The following C10orf90 variants were observed in gnomAD, a reference collection of about 807,000 sequenced individuals.
C10orf90 encodes the protein (E2-independent) E3 ubiquitin-conjugating enzyme FATS.
In C10orf90, 56 loss-of-function variants were observed where a neutral mutation model predicts 62.5. The observed-to-expected ratio is 0.90, with a 90% CI of 0.72 to 1.12. The LOEUF is 1.12. Among genes scored for constraint, C10orf90 ranks in the 50% most tolerant of loss-of-function variants. C10orf90 has a pLI of 0.00. For missense variants in C10orf90, 970 were observed against 880.4 expected (o/e 1.10, Z -1.29); for synonymous variants, 386 against 340.4 (o/e 1.13, Z -1.47).
At chr10:126,578,729 A>C (rs533478534) in intron 2 of C10orf90, among the ~76,000 whole-genome samples, 1 of 152,374 alleles carries the variant, frequency 6.6e-6, no homozygotes, top group East Asian at 1.9e-4. Context: ...GGGTAACTAA[A>C]TTGAATGTTT....
chr10:126,557,924 T>C (rs1864814232), intron 2 of C10orf90, among the ~76,000 whole-genome samples: 1 of 152,016 alleles, frequency 6.6e-6, no homozygotes, highest in Non-Finnish European at 1.5e-5. Context: ...GTTTTTGCTC[T>C]TGGGGGGTGA....
At chr10:126,537,335 T>A (rs1164824023) in intron 2 of C10orf90, among the ~76,000 whole-genome samples, 1 of 152,202 alleles carries the variant, frequency 6.6e-6, no homozygotes, top group African/African-American at 2.4e-5. Flanking sequence ...AAAGAGATGT[T>A]TGAACAGGTG....
At chr10:126,433,785 G>A (rs1009578415) in intron 7 of C10orf90, among the ~76,000 whole-genome samples, 14 of 152,102 alleles carry the variant, frequency 9.2e-5, no homozygotes, top group African/African-American at 3.1e-4. Flanking sequence ...TACTCTTAAT[G>A]GAAATTCTGC....
At chr10:126,501,957 A>C (rs893647892) in intron 4 of C10orf90, among the ~76,000 whole-genome samples, 4 of 151,126 alleles carry the variant, frequency 2.6e-5, no homozygotes, top group Admixed American at 6.6e-5. Flanking sequence ...ACACACACAC[A>C]CCACATATAC....
intron 2 of C10orf90, among the ~76,000 whole-genome samples, chr10:126,579,772 G>A (rs992822550): frequency 6.7e-6 from 1 of 150,170 alleles, no homozygotes; most frequent in Non-Finnish European, 1.5e-5. Flanking sequence ...AAAAAAAAAA[G>A]AGCTGATTCT....
chr10:126,521,532 G>T, intron 2 of C10orf90: 2 of 1,254,620 alleles, frequency 1.6e-6, no homozygotes, highest in Non-Finnish European at 1.0e-6. Flanking sequence ...GCAACCAGGG[G>T]AGGTGGCATA....
chr10:126,625,262 C>T (rs1239736914), intron 2 of C10orf90, among the ~76,000 whole-genome samples: 1 of 152,178 alleles, frequency 6.6e-6, no homozygotes, highest in African/African-American at 2.4e-5. Flanking sequence ...GTATTATCCA[C>T]TTGACAACTG....
At chr10:126,583,954 T>TA (rs1418191582) in intron 2 of C10orf90, among the ~76,000 whole-genome samples, 2 of 151,842 alleles carry the variant, frequency 1.3e-5, no homozygotes, top group African/African-American at 2.4e-5. Flanking sequence ...CATCTCTACT[T>TA]AAAAAAATAC....
intron 3 of C10orf90, among the ~76,000 whole-genome samples, chr10:126,509,487 A>T (rs1184760146): frequency 6.6e-6 from 1 of 152,198 alleles, no homozygotes; most frequent in Non-Finnish European, 1.5e-5. Flanking sequence ...CATAAATAGA[A>T]ATGACTCATT....
chr10:126,558,462 G>A (rs979472977), intron 2 of C10orf90, among the ~76,000 whole-genome samples: 3 of 152,128 alleles, frequency 2.0e-5, no homozygotes, highest in Non-Finnish European at 4.4e-5. Context: ...CAGCACTAAC[G>A]AGCTGTTGAA....
intron 2 of C10orf90, among the ~76,000 whole-genome samples, chr10:126,563,464 G>A (rs915758694): frequency 6.6e-6 from 1 of 152,174 alleles, no homozygotes; most frequent in Non-Finnish European, 1.5e-5. Context: ...GGGAAAGAAG[G>A]GCTCTGACCT....
chr10:126,631,438 A>C lies in C10orf90; in HGVS notation c.313+15127T>G, dbSNP rs1257278922. Among the ~76,000 whole-genome samples the C allele has an allele frequency of 3.9e-5, 6 of 152,064 alleles. No homozygotes were observed. In the East Asian group the frequency reaches 1.2e-3, roughly 30 times the overall value. On this transcript the variant is annotated intron_variant, in intron 2 of 9. Coordinates refer to ENST00000488181, the MANE Select transcript of C10orf90 (RefSeq NM_001350921.2). Reference sequence around the variant, plus strand: ...CTGCTTGCATGGCAAACTCCTATTCAACCCTCTACACCTGAAGCAGAATGG... The same window carrying C: ...CTGCTTGCATGGCAAACTCCTATTCCACCCTCTACACCTGAAGCAGAATGG...
chr10:126,501,626 G>A (rs1862386728), intron 4 of C10orf90, among the ~76,000 whole-genome samples: 1 of 152,152 alleles, frequency 6.6e-6, no homozygotes, highest in Non-Finnish European at 1.5e-5. Context: ...GAGGAGTTCA[G>A]AGAGTATCAC....
intron 2 of C10orf90, among the ~76,000 whole-genome samples, chr10:126,540,881 C>T (rs1367637458): frequency 6.6e-6 from 1 of 152,038 alleles, no homozygotes; most frequent in East Asian, 1.9e-4. Context: ...TATTTTAAAT[C>T]AAAAGGAATA....
chr10:126,508,772 G>T (rs147835645), intron 3 of C10orf90, among the ~76,000 whole-genome samples: 3 of 152,156 alleles, frequency 2.0e-5, no homozygotes, highest in African/African-American at 7.2e-5. Flanking sequence ...GGTGGTTCTC[G>T]GGCGGGGGCC....
At chr10:126,574,255 G>A (rs571251374) in intron 2 of C10orf90, among the ~76,000 whole-genome samples, 3 of 152,172 alleles carry the variant, frequency 2.0e-5, no homozygotes, top group South Asian at 4.2e-4. Flanking sequence ...GAAATATATT[G>A]AGCACTCGTA....
In C10orf90 at chr10:126,492,935, T is replaced by G. The variant is rs113664453; in HGVS notation, c.1534+11022A>C. Among the ~76,000 whole-genome samples, 1,199 of 152,280 alleles carry G rather than the reference T, an allele frequency of 7.9e-3. 20 individuals are homozygous for G. The highest frequency in any genetic ancestry group is 0.027 in the African/African-American group (1,112 of 41,560). On this transcript the variant is annotated intron_variant, in intron 4 of 9. Transcript: ENST00000488181. ...ATCACATAAAATGCTCACATTTTTC[T>G]CTAAGGACATTTATCAACACATTGC...
Position 126,670,298 on chromosome 10 carries a change from A to G in C10orf90, c.183T>C (p.Cys61=). 4.4e-6 allele frequency: 2 copies of G among 456,714 alleles called. No individual in the cohort carries two copies. The highest frequency in any genetic ancestry group is 3.1e-5 in the South Asian group (2 of 64,574). The allele number at this position is 456,714 out of a possible 1,614,324, so 28.3% of individuals were successfully genotyped here. ...WFPSQRRAKV[C]IIHMCQGLKT... Reference sequence around the variant, plus strand: ...TCAAGCCTTGACACATATGGATGATACAAACTTTGGCTCTTCTCTGGGAGG... The same window carrying G: ...TCAAGCCTTGACACATATGGATGATGCAAACTTTGGCTCTTCTCTGGGAGG... The change falls in exon 1 of 10, where the codon TGT becomes TGC. Residue 61 remains cysteine (C), a synonymous_variant. Coordinates refer to ENST00000488181, the MANE Select transcript of C10orf90 (RefSeq NM_001350921.2).
chr10:126,462,914 C>G (rs1381201516), intron 5 of C10orf90, among the ~76,000 whole-genome samples: 1 of 152,194 alleles, frequency 6.6e-6, no homozygotes, highest in Non-Finnish European at 1.5e-5. Context: ...GCTTTGGAGT[C>G]TCTACCAACA....
Sources: gnomAD v4.1 joint callset for allele counts (sites outside exome capture counted in the v4.1 genomes callset) on GRCh38, gnomAD v4.1.1 for gene constraint, MANE v1.5 for transcripts, NCBI Gene and HGNC (gene_info 2026-07-23, HGNC 2026-07-21) for gene names.